The following HEATR4 variants were observed in gnomAD, a reference collection of about 807,000 sequenced individuals.
The protein encoded by HEATR4 is HEAT repeat-containing protein 4.
A neutral mutation model predicts 108.8 loss-of-function variants in HEATR4; 95 were observed. That is an observed-to-expected ratio of 0.87 (90% CI 0.74 to 1.04). The LOEUF is 1.04. Ranked by LOEUF, HEATR4 falls within the 50% of genes least tolerant of loss-of-function variation. The probability of loss-of-function intolerance (pLI) is 0.00; values close to 1 mark genes in which losing one functional copy is unlikely to be tolerated. For synonymous variants in HEATR4, 443 were observed against 459.4 expected (o/e 0.96, Z 0.46); for missense variants, 1,152 against 1,253.8 (o/e 0.92, Z 1.23).
chr14:73,505,713 T>C (rs137933935), intron 10 of HEATR4, among the ~76,000 whole-genome samples: 69 of 151,860 alleles, frequency 4.5e-4, no homozygotes, highest in South Asian at 8.3e-4. Context: ...TTTATATGTG[T>C]GTGCCGAACA....
rs201799912 is a variant in HEATR4, at chr14:73,500,596, C to T, written c.2240G>A (p.Arg747Gln). The change falls in exon 12 of 18, where the codon CGG becomes CAG. Residue 747 changes from arginine (R) to glutamine (Q), a missense_variant. By Grantham distance (43) the Arg-to-Gln change is conservative. Transcript: ENST00000553558. ...CFSDDFTAVRRAACLAAGALQ... is the reference protein window; with the variant it reads ...CFSDDFTAVRQAACLAAGALQ... Reference sequence around the variant, plus strand: ...GGCACCAGCTGCCAAACAGGCTGCCCGCCGAACTGCTGTGAAGTCATCAGA... The same window carrying T: ...GGCACCAGCTGCCAAACAGGCTGCCTGCCGAACTGCTGTGAAGTCATCAGA... 18 of 1,613,812 alleles carry T rather than the reference C, an allele frequency of 1.1e-5. No individual in the cohort carries two copies. Among genetic ancestry groups the T allele is most frequent in the African/African-American group, 6.7e-5 (5 of 74,920 alleles).
chr14:73,606,994 C>T, the HEATR4 span, among the ~76,000 whole-genome samples: 1 of 152,180 alleles, frequency 6.6e-6, no homozygotes, highest in African/African-American at 2.4e-5. Flanking sequence ...CTTGTGGTTA[C>T]AACGTCAAGC....
At position 73,524,348 on chromosome 14, in the gene HEATR4, C is replaced by A. The variant is rs191914156; in HGVS notation, c.-72-1124G>T. On this transcript the variant is annotated intron_variant, in intron 2 of 17. Transcript: ENST00000553558. ...ATATATATATATATTATAGCTGTAA[C>A]GTATTTTATCAAATAGGTAAATGGT... 2.2e-3 allele frequency among the ~76,000 whole-genome samples: 278 copies of A among 128,032 alleles called. 2 individuals carry two copies. Among genetic ancestry groups the A allele is most frequent in the African/African-American group, 8.2e-3 (265 of 32,442 alleles). 84.0% of individuals were successfully genotyped at this position (128,032 alleles called of 152,430 possible).
chr14:73,546,978 T>C (rs1259523133), intron 1 of HEATR4, among the ~76,000 whole-genome samples: 1 of 104,074 alleles, frequency 9.6e-6, no homozygotes, highest in Admixed American at 1.2e-4. Context: ...TCCCAGCTAC[T>C]TGGGAGGCTG....
chr14:73,481,361 C>T (rs1885248638), intron 17 of HEATR4, among the ~76,000 whole-genome samples: 1 of 151,972 alleles, frequency 6.6e-6, no homozygotes, highest in South Asian at 2.1e-4. Flanking sequence ...ATCACTTGAA[C>T]CCGGGAGTGA....
intron 2 of HEATR4, among the ~76,000 whole-genome samples, chr14:73,524,836 A>G (rs1047462005): frequency 6.6e-6 from 1 of 151,964 alleles, no homozygotes; most frequent in African/African-American, 2.4e-5. Flanking sequence ...CTATCCTGCT[A>G]GTGTCAACTC....
the HEATR4 span, among the ~76,000 whole-genome samples, chr14:73,564,722 TTTTTTG>T: frequency 6.4e-5 from 3 of 46,942 alleles, no homozygotes; most frequent in African/African-American, 2.8e-4. Flanking sequence ...ATCTTTTCTG[TTTTTTG>T]TTTTTTTTTT....
intron 5 of HEATR4, among the ~76,000 whole-genome samples, chr14:73,516,659 G>A (rs576431121): frequency 2.0e-5 from 3 of 152,288 alleles, no homozygotes; most frequent in African/African-American, 4.8e-5. Context: ...CCATGGGCCT[G>A]TACCAGTTCA....
At chr14:73,560,148 C>T (rs902604459), upstream of HEATR4, among the ~76,000 whole-genome samples, 4 of 152,124 alleles carry the variant, frequency 2.6e-5, no homozygotes, top group Non-Finnish European at 4.4e-5. Flanking sequence ...TCAAGAGTCC[C>T]TTTGTGAAAC....
At chr14:73,502,467 G>A (rs1021457669) in intron 11 of HEATR4, among the ~76,000 whole-genome samples, 1 of 152,026 alleles carries the variant, frequency 6.6e-6, no homozygotes, top group Non-Finnish European at 1.5e-5. Context: ...TGTAGGGACT[G>A]TTAATTTTTT....
intron 1 of HEATR4, chr14:73,537,945 G>A: frequency 9.2e-7 from 1 of 1,086,288 alleles, no homozygotes; most frequent in Non-Finnish European, 1.2e-6. Context: ...CTGTGTGTGT[G>A]TGTGTGTCCC....
rs371768614 is a variant in HEATR4 at position 73,511,560 on chromosome 14, T to TAAATAAATAAATA, written c.1558+445_1558+446insTATTTATTTATTT. On this transcript the variant is annotated intron_variant, in intron 7 of 17. Coordinates refer to ENST00000553558, the MANE Select transcript of HEATR4 (RefSeq NM_001220484.1). Reference sequence around the variant, plus strand: ...ATAAATAAATAAATAAATAAATAAATAAATAAAATAAAATAAAAAAGAATG... The same window carrying TAAATAAATAAATA: ...ATAAATAAATAAATAAATAAATAAATAAATAAATAAATAAAATAAAATAAAATAAAAAAGAATG... 1.9e-3 allele frequency among the ~76,000 whole-genome samples: 165 copies of TAAATAAATAAATA among 89,026 alleles called. 1 individual carries two copies. The highest frequency in any genetic ancestry group is 2.7e-3 in the Non-Finnish European group (105 of 39,286). 58.4% of individuals were successfully genotyped at this position (89,026 alleles called of 152,430 possible). A position where few individuals can be genotyped will look rare whatever the true frequency, so the allele number is the denominator to read the frequency against.
the HEATR4 span, among the ~76,000 whole-genome samples, chr14:73,580,444 AAG>A: frequency 6.6e-6 from 1 of 151,976 alleles, no homozygotes; most frequent in Non-Finnish European, 1.5e-5. Context: ...AAGTGTGATA[AAG>A]AGAGTGAGTT....
the HEATR4 span, among the ~76,000 whole-genome samples, chr14:73,592,591 G>C: frequency 6.6e-6 from 1 of 152,220 alleles, no homozygotes; most frequent in African/African-American, 2.4e-5. Flanking sequence ...GGTGACTAAC[G>C]CCTGTAATCC....
upstream of HEATR4, among the ~76,000 whole-genome samples, chr14:73,562,614 G>A (rs1889545398): frequency 6.6e-6 from 1 of 151,984 alleles, no homozygotes; most frequent in African/African-American, 2.4e-5. Context: ...TATTTTCCTA[G>A]TAAGGAATAT....
At chr14:73,496,765 G>A (rs1285463523) in intron 14 of HEATR4, 86 bp from the exon 15 acceptor site, 9 of 757,712 alleles carry the variant, frequency 1.2e-5, no homozygotes, top group African/African-American at 5.2e-5. Context: ...TTGGAATCAG[G>A]TAAGAATCCC....
the HEATR4 span, among the ~76,000 whole-genome samples, chr14:73,594,712 A>T: frequency 2.7e-5 from 4 of 150,866 alleles, no homozygotes; most frequent in Non-Finnish European, 5.9e-5. Flanking sequence ...TTATTTATTT[A>T]TCTTTTGAGA....
intron 13 of HEATR4, 48 bp from the exon 14 acceptor site, chr14:73,498,392 A>G (rs1262906325): frequency 3.4e-6 from 5 of 1,473,796 alleles, no homozygotes; most frequent in East Asian, 4.9e-5. Context: ...AGCTTACTAT[A>G]TTCTAGCATC....
chr14:73,537,124 A>G, intron 1 of HEATR4: 1 of 278,666 alleles, frequency 3.6e-6, no homozygotes, highest in Non-Finnish European at 6.2e-6. Flanking sequence ...GCCGGGACGA[A>G]CCAGTCCTGG....
Sources: allele counts gnomAD v4.1 joint callset (sites outside exome capture counted in the v4.1 genomes callset), GRCh38; gene constraint gnomAD v4.1.1; transcripts MANE v1.5; gene names NCBI Gene and HGNC (gene_info 2026-07-23, HGNC 2026-07-21).